IFT140: variants seen among roughly 807,000 people sequenced by gnomAD.
The protein encoded by IFT140 is intraflagellar transport protein 140 homolog.
In IFT140, 133 loss-of-function variants were observed where a neutral mutation model predicts 164.6. That is an observed-to-expected ratio of 0.81 (90% confidence interval 0.70 to 0.93). The LOEUF is 0.93. Ranked by LOEUF, IFT140 falls within the 40% of genes least tolerant of loss-of-function variation. The pLI is 0.00. For missense variants in IFT140, 2,045 were observed against 1,972.3 expected (o/e 1.04, Z -0.70); for synonymous variants, 860 against 817.3 (o/e 1.05, Z -0.89).
chr16:1,558,000 G>C lies in IFT140; in HGVS notation c.2334C>G (p.His778Gln). 6.2e-7 allele frequency: 1 copy of C among 1,613,976 alleles called. No individual in the cohort carries two copies. Among genetic ancestry groups the C allele is most frequent in the Non-Finnish European group, 8.5e-7 (1 of 1,180,044 alleles). Reference sequence around the variant, plus strand: ...CTCCTATGGTGACAAAGAAGCTGAAGTGGAGCATGGCGTCCCGGGTGGCCT... The same window carrying C: ...CTCCTATGGTGACAAAGAAGCTGAACTGGAGCATGGCGTCCCGGGTGGCCT... ...CDKATRDAML[H>Q]FSFFVTIGDM... Residue 778 changes from histidine (H) to glutamine (Q), a missense_variant, in exon 19 of 31, where the codon CAC becomes CAG. Coordinates refer to ENST00000426508, the MANE Select transcript of IFT140 (RefSeq NM_014714.4).
intron 6 of IFT140, among the ~76,000 whole-genome samples, chr16:1,591,958 C>G (rs1693933216): frequency 6.6e-6 from 1 of 152,252 alleles, no homozygotes; most frequent in African/African-American, 2.4e-5. Context: ...CAAAACTCAA[C>G]TTGTCTATCA....
At chr16:1,519,250 C>G (rs1006691194) in intron 29 of IFT140, among the ~76,000 whole-genome samples, 2 of 152,180 alleles carry the variant, frequency 1.3e-5, no homozygotes, top group Admixed American at 6.5e-5. Flanking sequence ...AAAGGTTCTC[C>G]GATAAGGAAA....
At chr16:1,512,880 A>C (rs1254931989) in intron 30 of IFT140, 2 of 152,274 alleles carry the variant, frequency 1.3e-5, no homozygotes, top group Non-Finnish European at 2.9e-5. Context: ...AGTGAATGGA[A>C]GTGGAACGGC....
At chr16:1,556,147 G>A (rs990000767) in intron 19 of IFT140, among the ~76,000 whole-genome samples, 1 of 152,226 alleles carries the variant, frequency 6.6e-6, no homozygotes, top group African/African-American at 2.4e-5. Context: ...CCTATCTTTA[G>A]CGAAATGCTT....
At chr16:1,538,776 C>T (rs920715167) in intron 19 of IFT140, among the ~76,000 whole-genome samples, 2 of 152,154 alleles carry the variant, frequency 1.3e-5, no homozygotes, top group African/African-American at 4.8e-5. Flanking sequence ...GACAGGACGC[C>T]CTCAAAATGC....
In IFT140 at chr16:1,511,025, G is replaced by A. The variant is rs775680460; in HGVS notation, c.4308C>T (p.Pro1436=). ...GLGLPLPRTV[P]EQVRHNSMED... is the part of the protein sequence containing the mutation. ...CCATGCTGTTGTGGCGGACCTGCTCGGGGACGGTGCGTGGCAGTGGGAGAC... is the reference window on the plus strand; with the variant it reads ...CCATGCTGTTGTGGCGGACCTGCTCAGGGACGGTGCGTGGCAGTGGGAGAC... Residue 1436 remains proline (P), a synonymous_variant, in exon 31 of 31, where the codon CCC becomes CCT. Transcript: ENST00000426508. The A allele has an allele frequency of 4.4e-6, 7 of 1,606,050 alleles. No individual in the cohort carries two copies. Among genetic ancestry groups the A allele is most frequent in the South Asian group, 2.2e-5 (2 of 90,020 alleles).
intron 19 of IFT140, among the ~76,000 whole-genome samples, chr16:1,544,909 A>G (rs915090337): frequency 2.6e-5 from 4 of 152,122 alleles, no homozygotes; most frequent in African/African-American, 7.2e-5. Context: ...CGGCCTCCCA[A>G]AGTGCTGGGA....
rs544480653 is a variant in IFT140, at chr16:1,589,780, C to T, written c.635G>A (p.Gly212Glu). The T allele has an allele frequency of 2.5e-6, 4 of 1,611,174 alleles. No homozygotes were observed. The highest frequency in any genetic ancestry group is 1.3e-5 in the African/African-American group (1 of 75,004). The change falls in exon 7 of 31, where the codon GGG (glycine) becomes GAG (glutamate). Residue 212 changes from glycine to glutamate, a missense_variant and splice_region_variant. Gly to Glu is a moderately conservative substitution (Grantham distance 98). Coordinates refer to ENST00000426508, the MANE Select transcript of IFT140 (RefSeq NM_014714.4). ...CTTCTCATCCACATAGTGCACTGTC[C>T]CTGGGGACAAACGTGGGGTCACTAC... ...GLLFFVSLMD[G>E]TVHYVDEKGK... is the part of the protein sequence containing the mutation.
chr16:1,561,381 G>T (rs1193806605), intron 18 of IFT140, among the ~76,000 whole-genome samples: 8 of 152,226 alleles, frequency 5.3e-5, no homozygotes, highest in Admixed American at 6.5e-5. Context: ...ACCTACTGGG[G>T]TGTGTGTACT....
chr16:1,566,012 A>G, intron 16 of IFT140, 149 bp downstream of exon 16: 2 of 665,292 alleles, frequency 3.0e-6, no homozygotes, highest in Non-Finnish European at 5.2e-6. Context: ...CCACTGCCAG[A>G]GTGTGCTTCT....
chr16:1,565,192 C>A lies in IFT140; in HGVS notation c.1901+969G>T, dbSNP rs749920583. Among the ~76,000 whole-genome samples, 267 of 152,142 alleles carry A rather than the reference C, an allele frequency of 1.8e-3. 1 individual carries two copies. Among genetic ancestry groups the A allele is most frequent in the Non-Finnish European group, 2.0e-3 (134 of 68,032 alleles). ...AGACATTTTGGTATGAGAAACGCTG[C>A]GGACCTGGGTGACGGGCAGTGGGGA... On this transcript the variant is annotated intron_variant, in intron 16 of 30. Transcript: ENST00000426508.
At chr16:1,571,748 G>A (rs550878820) in intron 13 of IFT140, among the ~76,000 whole-genome samples, 42 of 152,250 alleles carry the variant, frequency 2.8e-4, no homozygotes, top group Admixed American at 2.6e-3. Flanking sequence ...TGCTGCGGGG[G>A]AAGGACGGGG....
chr16:1,550,813 G>C (rs1234532714), intron 19 of IFT140, among the ~76,000 whole-genome samples: 4 of 152,234 alleles, frequency 2.6e-5, no homozygotes, highest in African/African-American at 9.6e-5. Context: ...AGGAATGCCA[G>C]TTCCCCAAGG....
intron 13 of IFT140, among the ~76,000 whole-genome samples, chr16:1,573,387 C>T (rs1596388983): frequency 1.3e-5 from 2 of 152,002 alleles, no homozygotes; most frequent in African/African-American, 4.8e-5. Context: ...AACTCTTTTA[C>T]ATTCTTTAAC....
rs1342309409 is a variant in IFT140 at position 1,610,723 on chromosome 16, A to T, written c.-91T>A. The T allele has an allele frequency of 3.9e-5, 6 of 153,262 alleles. No individual in the cohort carries two copies. The highest frequency in any genetic ancestry group is 2.6e-4 in the Admixed American group (4 of 15,298). The allele number at this position is 153,262 out of a possible 1,614,324, so 9.5% of individuals were successfully genotyped here. A position where few individuals can be genotyped will look rare whatever the true frequency, so the allele number is the denominator to read the frequency against. ...GGACAACGGCGCGCCAGGAACGCGG[A>T]AATAGCCGAAGGTGAGCGAGGCGGC... is the stretch of plus-strand genomic sequence containing the variant. On this transcript the variant is annotated 5_prime_UTR_variant, in exon 2 of 31. Coordinates refer to ENST00000426508, the MANE Select transcript of IFT140 (RefSeq NM_014714.4).
chr16:1,530,024 A>G (rs4786275), intron 19 of IFT140, among the ~76,000 whole-genome samples: 27,308 of 152,040 alleles, frequency 0.18, 2,885 homozygotes, highest in African/African-American at 0.27. Context: ...GGGTGGTGGC[A>G]GCACTGGGGC....
At chr16:1,575,180 A>AGT (rs1266694112) in intron 13 of IFT140, among the ~76,000 whole-genome samples, 1 of 151,298 alleles carries the variant, frequency 6.6e-6, no homozygotes, top group Non-Finnish European at 1.5e-5. Flanking sequence ...TGGGCAACAT[A>AGT]GTGAGACCCC....
At position 1,511,055 on chromosome 16, in the gene IFT140, C is replaced by A. The variant is rs200161877; in HGVS notation, c.4278G>T (p.Gly1426=). The A allele has an allele frequency of 2.2e-5, 36 of 1,605,608 alleles. No individual in the cohort carries two copies. The East Asian group carries it at 8.0e-4, about 36-fold the overall frequency. The change falls in exon 31 of 31, where the codon GGG becomes GGT. Residue 1426 remains glycine (G), a synonymous_variant. Coordinates refer to ENST00000426508, the MANE Select transcript of IFT140 (RefSeq NM_014714.4). ...CGGTGCGTGGCAGTGGGAGACCCAG[C>A]CCCCGGTGCACGGCGTCCACGGCCT... The part of the protein sequence containing the change: ...SPQAVDAVHR[G]LGLPLPRTVP...
intron 14 of IFT140, among the ~76,000 whole-genome samples, chr16:1,570,573 C>T (rs989915593): frequency 2.6e-5 from 4 of 152,318 alleles, no homozygotes; most frequent in Non-Finnish European, 4.4e-5. Context: ...GAATTCTCCA[C>T]TAGAGAGCCG....
Sources: allele counts gnomAD v4.1 joint callset (sites outside exome capture counted in the v4.1 genomes callset), GRCh38; gene constraint gnomAD v4.1.1; transcripts MANE v1.5; gene names NCBI Gene and HGNC (gene_info 2026-07-23, HGNC 2026-07-21).